LIPM: variants seen among roughly 807,000 people sequenced by gnomAD.
LIPM encodes the protein lipase member M.
LIPM carries 42 observed loss-of-function variants against 42.4 expected under a neutral mutation model. The observed-to-expected ratio is 0.99, with a 90% confidence interval of 0.77 to 1.28. The LOEUF is 1.28. Ranked by LOEUF, LIPM falls within the 50% of genes most tolerant of loss-of-function variation. The pLI is 0.00. For missense variants in LIPM, 524 were observed against 520.1 expected (o/e 1.01, Z -0.07); for synonymous variants, 177 against 173.3 (o/e 1.02, Z -0.17).
chr10:88,819,600 G>C lies in LIPM; in HGVS notation c.1003-632G>C, dbSNP rs113248953. Among the ~76,000 whole-genome samples the C allele has an allele frequency of 8.3e-4, 127 of 152,290 alleles. 1 individual carries two copies. The highest frequency in any genetic ancestry group is 3.0e-3 in the African/African-American group (123 of 41,582). On this transcript the variant is annotated intron_variant, in intron 8 of 8. Transcript: ENST00000404743. ...AATTCTACTAACACTGCATAAATACGGAAAGTTCCCAGGTATTAGGAATAC... is the reference window on the plus strand; with the variant it reads ...AATTCTACTAACACTGCATAAATACCGAAAGTTCCCAGGTATTAGGAATAC...
In LIPM at chr10:88,813,263, C is replaced by T. The variant is rs761138611; in HGVS notation, c.432C>T (p.Leu144=). 1 of 1,610,516 alleles carries T rather than the reference C, an allele frequency of 6.2e-7. No individual in the cohort carries two copies. Among genetic ancestry groups the T allele is most frequent in the South Asian group, 1.1e-5 (1 of 90,680 alleles). The change falls in exon 3 of 9, where the codon CTC becomes CTT. Residue 144 remains leucine (L), a synonymous_variant. Coordinates refer to ENST00000404743, the MANE Select transcript of LIPM (RefSeq NM_001128215.1). ...GNAWSRKHKT[L]SIDQDEFWAF... ...CCTGGTCTCGAAAACACAAGACACT[C>T]TCCATAGACCAAGATGAGTTCTGGG... is the stretch of plus-strand genomic sequence containing the variant.
At chr10:88,811,322 T>G (rs1302231940) in intron 2 of LIPM, among the ~76,000 whole-genome samples, 1 of 152,168 alleles carries the variant, frequency 6.6e-6, no homozygotes, top group African/African-American at 2.4e-5. Flanking sequence ...GCTCAGAAAG[T>G]CACTTGCTTT....
chr10:88,816,676 T>C (rs1467969348), intron 6 of LIPM, 140 bp from the exon 7 acceptor site: 2 of 614,154 alleles, frequency 3.3e-6, no homozygotes, highest in East Asian at 5.6e-5. Context: ...TGCATGTACA[T>C]ATTTTTGTTT....
intron 6 of LIPM, among the ~76,000 whole-genome samples, chr10:88,816,026 A>G (rs183680427): frequency 1.3e-5 from 2 of 152,310 alleles, no homozygotes; most frequent in African/African-American, 4.8e-5. Context: ...AAACAGGACT[A>G]GGTAGGTGAA....
chr10:88,807,807 T>C (rs1232606833), intron 1 of LIPM, among the ~76,000 whole-genome samples: 1 of 152,206 alleles, frequency 6.6e-6, no homozygotes, highest in Non-Finnish European at 1.5e-5. Context: ...CCCCACTGGC[T>C]GCTTTAGAAC....
chr10:88,815,843 C>T (rs1843713168), intron 6 of LIPM, among the ~76,000 whole-genome samples: 2 of 152,162 alleles, frequency 1.3e-5, no homozygotes, highest in African/African-American at 2.4e-5. Flanking sequence ...GCACTGGGGT[C>T]CTGTAGGTTT....
rs78586189 is a variant in LIPM at position 88,820,535 on chromosome 10, C to A, written c.*34C>A. 20,355 of 1,536,078 alleles carry A rather than the reference C, an allele frequency of 0.013. 814 individuals carry two copies. The East Asian group carries it at 0.16, about 12-fold the overall frequency. The stretch of plus-strand genomic sequence containing the variant: ...ACACTGACGATCTTAGGACAACCTC[C>A]TGAGGGATGGGGCTAGGACCCATGA... On this transcript the variant is annotated 3_prime_UTR_variant, in exon 9 of 9. Coordinates refer to ENST00000404743, the MANE Select transcript of LIPM (RefSeq NM_001128215.1).
chr10:88,809,598 C>T (rs1204273453), intron 2 of LIPM, among the ~76,000 whole-genome samples: 1 of 152,180 alleles, frequency 6.6e-6, no homozygotes, highest in Non-Finnish European at 1.5e-5. Context: ...CCCAAAACGT[C>T]TGTGCTAGTG....
chr10:88,816,673 A>C (rs566453280), intron 6 of LIPM, 143 bp from the exon 7 acceptor site: 2 of 612,216 alleles, frequency 3.3e-6, no homozygotes, highest in East Asian at 2.8e-5. Context: ...ACGTGCATGT[A>C]CATATTTTTG....
At chr10:88,816,629 G>A (rs539123967) in intron 6 of LIPM, among the ~76,000 whole-genome samples, 187 bp from the exon 7 acceptor site, 13 of 152,210 alleles carry the variant, frequency 8.5e-5, no homozygotes, top group South Asian at 4.1e-4. Flanking sequence ...GAAAAATACC[G>A]GTGTCTGGCA....
chr10:88,811,033 G>A (rs894107655), intron 2 of LIPM, among the ~76,000 whole-genome samples: 2 of 152,162 alleles, frequency 1.3e-5, no homozygotes, highest in African/African-American at 4.8e-5. Context: ...AGTCCACAGT[G>A]ACCCACACGT....
chr10:88,803,832 G>T (rs1221141743), intron 1 of LIPM, among the ~76,000 whole-genome samples: 2 of 151,966 alleles, frequency 1.3e-5, no homozygotes, highest in Non-Finnish European at 2.9e-5. Flanking sequence ...GTTGAACAAG[G>T]CCATACCAAT....
chr10:88,816,564 A>G (rs568265158), intron 6 of LIPM, among the ~76,000 whole-genome samples: 2 of 152,076 alleles, frequency 1.3e-5, no homozygotes, highest in South Asian at 2.1e-4. Flanking sequence ...AAATATCACT[A>G]GTAAAATTTT....
Position 88,817,914 on chromosome 10 carries a change from C to A in LIPM, c.1002+18C>A. The stretch of plus-strand genomic sequence containing the variant: ...GCAATCAGGTAAGAAAATCAAATAC[C>A]ATCTGCTGAAAATATATACATTGGA... On this transcript the variant is annotated intron_variant, in intron 8 of 8. Transcript: ENST00000404743. 1 of 1,535,932 alleles carries A rather than the reference C, an allele frequency of 6.5e-7. No homozygotes were observed. The highest frequency in any genetic ancestry group is 1.2e-5 in the South Asian group (1 of 83,686).
At chr10:88,816,790 C>G in intron 6 of LIPM, 26 bp from the exon 7 acceptor site, 1 of 1,508,176 alleles carries the variant, frequency 6.6e-7, no homozygotes, top group Non-Finnish European at 9.0e-7. Flanking sequence ...TTCTATGTCC[C>G]CCAGAATACT....
intron 4 of LIPM, 120 bp downstream of exon 4, chr10:88,814,759 C>T (rs1843697906): frequency 1.3e-6 from 1 of 745,034 alleles, no homozygotes; most frequent in Non-Finnish European, 2.3e-6. Context: ...TCTTCAGAAT[C>T]ATGTAGTCCC....
At chr10:88,819,390 G>A (rs999738121) in intron 8 of LIPM, among the ~76,000 whole-genome samples, 1 of 152,046 alleles carries the variant, frequency 6.6e-6, no homozygotes, top group Non-Finnish European at 1.5e-5. Flanking sequence ...AAAATTACTA[G>A]CCCCATAGAA....
At position 88,820,458 on chromosome 10, in the gene LIPM, A is replaced by C. The variant is rs1450585532; in HGVS notation, c.1229A>C (p.Glu410Ala). The C allele has an allele frequency of 6.4e-7, 1 of 1,551,720 alleles. No homozygotes were observed. The highest frequency in any genetic ancestry group is 2.0e-5 in the Admixed American group (1 of 50,978). ...GAAATCATCCATCTGATGCAGCAGG[A>C]GGAGACCAACCTTTCCCAGGGACGG... ...YNEIIHLMQQ[E>A]ETNLSQGRCE... The change falls in exon 9 of 9, where the codon GAG becomes GCG. Residue 410 changes from glutamate (E) to alanine (A), a missense_variant. Physicochemically the swap from Glu to Ala is moderately radical, Grantham distance 107. Coordinates refer to ENST00000404743, the MANE Select transcript of LIPM (RefSeq NM_001128215.1).
intron 6 of LIPM, 44 bp downstream of exon 6, chr10:88,815,547 TG>T (rs750911666): frequency 9.8e-6 from 15 of 1,538,074 alleles, no homozygotes; most frequent in Non-Finnish European, 1.3e-5. Context: ...AGCATAAAGC[TG>T]GGAGTCATAT....
Sources: gnomAD v4.1 joint callset for allele counts (sites outside exome capture counted in the v4.1 genomes callset) on GRCh38, gnomAD v4.1.1 for gene constraint, MANE v1.5 for transcripts, NCBI Gene and HGNC (gene_info 2026-07-23, HGNC 2026-07-21) for gene names.